Variants in OR6C74 observed in about 807,000 individuals in gnomAD.
The protein encoded by OR6C74 is olfactory receptor 6C74.
For missense variants in OR6C74, 361 were observed against 362.9 expected (o/e 0.99, Z 0.04); for synonymous variants, 142 against 134.2 (o/e 1.06, Z -0.40).
At chr12:55,245,543 G>A (rs917580939) in intron 1 of OR6C74, among the ~76,000 whole-genome samples, 12 of 152,068 alleles carry the variant, frequency 7.9e-5, no homozygotes, top group African/African-American at 9.7e-5. Flanking sequence ...AGCTGCAGTT[G>A]CCTTTGGGAC....
intron 1 of OR6C74, among the ~76,000 whole-genome samples, chr12:55,245,709 G>C (rs1954266160): frequency 6.6e-6 from 1 of 151,986 alleles, no homozygotes; most frequent in Non-Finnish European, 1.5e-5. Flanking sequence ...TTAAATTTAG[G>C]CTGGACAGTG....
rs1411684202 is a variant in OR6C74, at chr12:55,251,821, G to T, written c.*3595G>T. ...AATAGTCAATATTATCATAAATTTA[G>T]AAATTATGTCATATGAGAAAATATT... On this transcript the variant is annotated 3_prime_UTR_variant, in exon 2 of 2. Coordinates refer to ENST00000343399, the MANE Select transcript of OR6C74 (RefSeq NM_001005490.2). Among the ~76,000 whole-genome samples the T allele has an allele frequency of 4.6e-5, 7 of 151,626 alleles. No homozygotes were observed. Among genetic ancestry groups the T allele is most frequent in the African/African-American group, 1.7e-4 (7 of 41,374 alleles).
rs754755293 is a variant in OR6C74 at position 55,247,374 on chromosome 12, T to C, written c.87T>C (p.Leu29=). ...PQLQVIIFLL[L]FFTYMLSITG... ...TACAGGTGATTATTTTTCTTCTCCT[T>C]TTTTTCACCTACATGTTGAGCATCA... Residue 29 remains leucine (L), a synonymous_variant, in exon 2 of 2, where the codon CTT becomes CTC. Transcript: ENST00000343399. 7 of 1,612,408 alleles carry C rather than the reference T, an allele frequency of 4.3e-6. No homozygotes were observed. In the African/African-American group the frequency reaches 9.4e-5, roughly 22 times the overall value.
chr12:55,252,385 T>C lies in OR6C74; in HGVS notation c.*4159T>C, dbSNP rs1241745422. Among the ~76,000 whole-genome samples, 1 of 150,330 alleles carries C rather than the reference T, an allele frequency of 6.7e-6. No individual in the cohort carries two copies. Among genetic ancestry groups the C allele is most frequent in the Non-Finnish European group, 1.5e-5 (1 of 67,440 alleles). ...TTAAATGAACTGGAAATCACAATAATTATTCTTCAATCCCATTCAAATATG... is the reference window on the plus strand; with the variant it reads ...TTAAATGAACTGGAAATCACAATAACTATTCTTCAATCCCATTCAAATATG... On this transcript the variant is annotated 3_prime_UTR_variant, in exon 2 of 2. Coordinates refer to ENST00000343399, the MANE Select transcript of OR6C74 (RefSeq NM_001005490.2).
rs1954281982 is a variant in OR6C74 at position 55,247,690 on chromosome 12, A to T, written c.403A>T (p.Ser135Cys). The change falls in exon 2 of 2, where the codon AGC becomes TGC. Residue 135 changes from serine to cysteine, a missense_variant. Transcript: ENST00000343399. ...CKPLHYTTIMSSRVCSLLVFA... is the reference protein window; with the variant it reads ...CKPLHYTTIMCSRVCSLLVFA... ...ACCCCTGCATTACACCACCATCATGAGCAGCAGAGTTTGCAGCTTGCTGGT... is the reference window on the plus strand; with the variant it reads ...ACCCCTGCATTACACCACCATCATGTGCAGCAGAGTTTGCAGCTTGCTGGT... 6.2e-7 allele frequency: 1 copy of T among 1,614,024 alleles called. No homozygotes were observed. Among genetic ancestry groups the T allele is most frequent in the Non-Finnish European group, 8.5e-7 (1 of 1,179,996 alleles).
rs1361260903 is a variant in OR6C74 at position 55,247,768 on chromosome 12, G to A, written c.481G>A (p.Gly161Ser). 1 of 1,613,752 alleles carries A rather than the reference G, an allele frequency of 6.2e-7. No homozygotes were observed. The highest frequency in any genetic ancestry group is 1.7e-5 in the Admixed American group (1 of 59,946). The change falls in exon 2 of 2, where the codon GGT becomes AGT. Residue 161 changes from glycine (G) to serine (S), a missense_variant. Gly to Ser is a moderately conservative substitution (Grantham distance 56). Coordinates refer to ENST00000343399, the MANE Select transcript of OR6C74 (RefSeq NM_001005490.2). ...FLIIFPPLLM[G>S]LQLDFCAANT... ...AATAATTTTTCCGCCACTCCTGATG[G>A]GTCTCCAGCTTGATTTCTGTGCAGC...
rs968083351 is a variant in OR6C74 at position 55,254,046 on chromosome 12, A to G, written c.*5820A>G. Among the ~76,000 whole-genome samples, 2 of 152,110 alleles carry G rather than the reference A, an allele frequency of 1.3e-5. No individual in the cohort carries two copies. The highest frequency in any genetic ancestry group is 1.5e-5 in the Non-Finnish European group (1 of 67,982). ...TGCAATATTGATAACTACTTCGGCC[A>G]TACTGACCAATAAGTAACCACACTG... On this transcript the variant is annotated 3_prime_UTR_variant, in exon 2 of 2. Coordinates refer to ENST00000343399, the MANE Select transcript of OR6C74 (RefSeq NM_001005490.2).
rs1954337824 is a variant in OR6C74, at chr12:55,255,489, C to T, written c.*7263C>T. Among the ~76,000 whole-genome samples, 1 of 151,134 alleles carries T rather than the reference C, an allele frequency of 6.6e-6. No homozygotes were observed. Among genetic ancestry groups the T allele is most frequent in the South Asian group, 2.1e-4 (1 of 4,732 alleles). On this transcript the variant is annotated 3_prime_UTR_variant, in exon 2 of 2. Coordinates refer to ENST00000343399, the MANE Select transcript of OR6C74 (RefSeq NM_001005490.2). ...AATCATTCTACTATAAAGACACATG[C>T]ACACATATGTTTATTGTGGCACTAT...
Position 55,252,675 on chromosome 12 carries a change from T to C in OR6C74, c.*4449T>C, listed in dbSNP as rs1267717580. ...TTTGATAATGGGTTACTTTTTCCCA[T>C]ATTTTTAAAACACCATCTGTTTTGG... On this transcript the variant is annotated 3_prime_UTR_variant, in exon 2 of 2. Transcript: ENST00000343399. Among the ~76,000 whole-genome samples, 1 of 151,948 alleles carries C rather than the reference T, an allele frequency of 6.6e-6. No individual in the cohort carries two copies. The highest frequency in any genetic ancestry group is 6.6e-5 in the Admixed American group (1 of 15,232).
Position 55,252,070 on chromosome 12 carries a change from A to C in OR6C74, c.*3844A>C, listed in dbSNP as rs1954314368. The stretch of plus-strand genomic sequence containing the variant: ...AGTTTATAATTTATATATAAACAAT[A>C]GTATAAAATATTTTGAAATTTTAAT... On this transcript the variant is annotated 3_prime_UTR_variant, in exon 2 of 2. Coordinates refer to ENST00000343399, the MANE Select transcript of OR6C74 (RefSeq NM_001005490.2). 6.6e-6 allele frequency among the ~76,000 whole-genome samples: 1 copy of C among 151,546 alleles called. No homozygotes were observed. The highest frequency in any genetic ancestry group is 2.4e-5 in the African/African-American group (1 of 41,390).
rs975715258 is a variant in OR6C74, at chr12:55,255,338, G to C, written c.*7112G>C. Among the ~76,000 whole-genome samples the C allele has an allele frequency of 6.6e-6, 1 of 152,130 alleles. No homozygotes were observed. Among genetic ancestry groups the C allele is most frequent in the African/African-American group, 2.4e-5 (1 of 41,446 alleles). On this transcript the variant is annotated 3_prime_UTR_variant, in exon 2 of 2. Transcript: ENST00000343399. ...GGAGAAGTAGGAACACTTTTACACT[G>C]TTGGTGGGAGTATAAATTAGTTCAA... is the stretch of plus-strand genomic sequence containing the variant.
rs895462201 is a variant in OR6C74, at chr12:55,249,085, C to T, written c.*859C>T. Among the ~76,000 whole-genome samples the T allele has an allele frequency of 1.3e-5, 2 of 152,140 alleles. No individual in the cohort carries two copies. The highest frequency in any genetic ancestry group is 2.9e-5 in the Non-Finnish European group (2 of 68,010). On this transcript the variant is annotated 3_prime_UTR_variant, in exon 2 of 2. Coordinates refer to ENST00000343399, the MANE Select transcript of OR6C74 (RefSeq NM_001005490.2). ...AACGAAGTGAAAATCTCTCTCTGCT[C>T]TTAAGTCACTTAGAATGCAAAAGAA...
In OR6C74 at chr12:55,245,212, A is replaced by G. The variant is rs1272650432; in HGVS notation, c.-10+395A>G. Among the ~76,000 whole-genome samples, 4 of 152,112 alleles carry G rather than the reference A, an allele frequency of 2.6e-5. No homozygotes were observed. In the East Asian group the frequency reaches 7.7e-4, roughly 29 times the overall value. On this transcript the variant is annotated intron_variant, in intron 1 of 1. Transcript: ENST00000343399. ...TTGTACTGAAAAAATTAAGTGTGTT[A>G]TAAGAAAGCTTTGAACCTTTCACCT... is the stretch of plus-strand genomic sequence containing the variant.
chr12:55,245,001 C>T (rs538772721), intron 1 of OR6C74, among the ~76,000 whole-genome samples, 184 bp downstream of exon 1: 1 of 152,116 alleles, frequency 6.6e-6, no homozygotes, highest in South Asian at 2.1e-4. Context: ...GAAATTGCTA[C>T]TAAATACATT....
At position 55,252,411 on chromosome 12, in the gene OR6C74, C is replaced by CTTT. The variant is rs5798343; in HGVS notation, c.*4193_*4195dup. 6.7e-6 allele frequency among the ~76,000 whole-genome samples: 1 copy of CTTT among 148,564 alleles called. No homozygotes were observed. Among genetic ancestry groups the CTTT allele is most frequent in the African/African-American group, 2.5e-5 (1 of 40,548 alleles). On this transcript the variant is annotated 3_prime_UTR_variant, in exon 2 of 2. Coordinates refer to ENST00000343399, the MANE Select transcript of OR6C74 (RefSeq NM_001005490.2). ...TATTCTTCAATCCCATTCAAATATG[C>CTTT]TTTTTTTTTTGAAATTGACTACATT... is the stretch of plus-strand genomic sequence containing the variant.
In OR6C74 at chr12:55,251,554, T is replaced by C. The variant is rs1157275261; in HGVS notation, c.*3328T>C. ...AAATGTGGCATTTGATAGGGCTTAATATAAAAATGTAAGCCTAGATTAAGG... is the reference window on the plus strand; with the variant it reads ...AAATGTGGCATTTGATAGGGCTTAACATAAAAATGTAAGCCTAGATTAAGG... On this transcript the variant is annotated 3_prime_UTR_variant, in exon 2 of 2. Coordinates refer to ENST00000343399, the MANE Select transcript of OR6C74 (RefSeq NM_001005490.2). Among the ~76,000 whole-genome samples the C allele has an allele frequency of 6.6e-6, 1 of 151,948 alleles. No individual in the cohort carries two copies. Among genetic ancestry groups the C allele is most frequent in the African/African-American group, 2.4e-5 (1 of 41,406 alleles).
In OR6C74 at chr12:55,248,282, T is replaced by C. The variant is rs529972805; in HGVS notation, c.*56T>C. 126 of 1,140,772 alleles carry C rather than the reference T, an allele frequency of 1.1e-4. 1 individual carries two copies. The South Asian group carries it at 1.5e-3, about 13-fold the overall frequency. The allele number at this position is 1,140,772 out of a possible 1,614,324, so 70.7% of individuals were successfully genotyped here. On this transcript the variant is annotated 3_prime_UTR_variant, in exon 2 of 2. Coordinates refer to ENST00000343399, the MANE Select transcript of OR6C74 (RefSeq NM_001005490.2). ...GTAAAATAAAACAAGAAGAGTGGAG[T>C]ATGTGCAAAGTTTTTCAATGTTTGT...
rs1419281034 is a variant in OR6C74, at chr12:55,247,821, T to C, written c.534T>C (p.Asp178=). Residue 178 remains aspartate (D), a synonymous_variant, in exon 2 of 2, where the codon GAT becomes GAC. Transcript: ENST00000343399. ...ACACTGTAGATCATTTCTTCTGTGA[T>C]GTTTCTCCTATACTGCAGCTCTCTT... is the stretch of plus-strand genomic sequence containing the variant. ...AANTVDHFFC[D]VSPILQLSCT... is the part of the protein sequence containing the mutation. The C allele has an allele frequency of 1.2e-6, 2 of 1,613,996 alleles. No individual in the cohort carries two copies. The highest frequency in any genetic ancestry group is 1.7e-6 in the Non-Finnish European group (2 of 1,180,016).
rs930239147 is a variant in OR6C74, at chr12:55,254,392, T to A, written c.*6166T>A. ...CATATATGAAATACATACACACATATATGTAATTCCCAGTTGGGATCCTTT... is the reference window on the plus strand; with the variant it reads ...CATATATGAAATACATACACACATAAATGTAATTCCCAGTTGGGATCCTTT... On this transcript the variant is annotated 3_prime_UTR_variant, in exon 2 of 2. Transcript: ENST00000343399. 6.6e-6 allele frequency among the ~76,000 whole-genome samples: 1 copy of A among 152,104 alleles called. No individual in the cohort carries two copies. The highest frequency in any genetic ancestry group is 1.5e-5 in the Non-Finnish European group (1 of 67,990).
Sources: allele counts gnomAD v4.1 joint callset (sites outside exome capture counted in the v4.1 genomes callset), GRCh38; gene constraint gnomAD v4.1.1; transcripts MANE v1.5; gene names NCBI Gene and HGNC (gene_info 2026-07-23, HGNC 2026-07-21).